Variants in PMEL observed in about 807,000 individuals in gnomAD.
The protein encoded by PMEL is melanocyte protein PMEL.
In PMEL, 53 loss-of-function variants were observed where a neutral mutation model predicts 64.9. The observed-to-expected ratio is 0.82, with a 90% CI of 0.66 to 1.03. The LOEUF is 1.03. PMEL is among the 50% of genes least tolerant of loss of function. The pLI is 0.00. For missense variants in PMEL, 716 were observed against 814.9 expected (o/e 0.88, Z 1.48); for synonymous variants, 299 against 316.2 (o/e 0.95, Z 0.58).
At chr12:55,954,400 G>C in intron 10 of PMEL, 51 bp from the exon 11 acceptor site, 1 of 1,602,516 alleles carries the variant, frequency 6.2e-7, no homozygotes, top group African/African-American at 1.3e-5. Flanking sequence ...AAGGTAGCTT[G>C]TCTGTGCTTC....
intron 3 of PMEL, among the ~76,000 whole-genome samples, chr12:55,960,537 GTTTTTT>G (rs760692409): frequency 3.6e-4 from 35 of 97,296 alleles, no homozygotes; most frequent in African/African-American, 1.5e-3. Flanking sequence ...TTTGCTTTCT[GTTTTTT>G]TTTTTTTTTT....
chr12:55,955,773 ACT>A lies in PMEL; in HGVS notation c.1556+4_1556+5del, dbSNP rs758361020. ...AGAGTTACCAGCACACTAGTGAGAC[ACT>A]CACCCGCCTTGGCAGGACACAGTCA... On this transcript the variant is annotated splice_donor_5th_base_variant and intron_variant, in intron 8 of 10. Transcript: ENST00000548747. The A allele has an allele frequency of 6.2e-7, 1 of 1,612,896 alleles. No individual in the cohort carries two copies.
rs1370711786 is a variant in PMEL at position 55,954,240 on chromosome 12, G to A, written c.1960C>T (p.Pro654Ser). The A allele has an allele frequency of 6.2e-7, 1 of 1,613,640 alleles. No individual in the cohort carries two copies. Among genetic ancestry groups the A allele is most frequent in the Non-Finnish European group, 8.5e-7 (1 of 1,179,688 alleles). ...CAGACCTGCTGCCCACTGAGGAGGG[G>A]GCTGTTCTCACCAATGGGACAAGAG... is the stretch of plus-strand genomic sequence containing the variant. ...FCSCPIGENS[P>S]LLSGQQV The change falls in exon 11 of 11, where the codon CCC (proline) becomes TCC (serine). Residue 654 changes from proline to serine, a missense_variant. Physicochemically the swap from Pro to Ser is moderately conservative, Grantham distance 74. Transcript: ENST00000548747.
intron 1 of PMEL, among the ~76,000 whole-genome samples, chr12:55,962,448 C>CAAAAACAA (rs1889137425): frequency 2.7e-5 from 1 of 37,528 alleles, no homozygotes; most frequent in Non-Finnish European, 5.4e-5. Flanking sequence ...GACTCCATCT[C>CAAAAACAA]AAAAAAAAAA....
Position 55,954,322 on chromosome 12 carries a change from G to A in PMEL, c.1878C>T (p.Ser626=), listed in dbSNP as rs374360529. The change falls in exon 11 of 11, where the codon TCC becomes TCT. Residue 626 remains serine (S), a synonymous_variant. Coordinates refer to ENST00000548747, the MANE Select transcript of PMEL (RefSeq NM_001384361.1). ...TGCTGCTATGTGGCAACTGGGGTAC[G>A]GAGAAGTCTTGCTTCATAAGTCTGC... ...YRRRLMKQDF[S]VPQLPHSSSH... 37 of 1,614,130 alleles carry A rather than the reference G, an allele frequency of 2.3e-5. No individual in the cohort carries two copies. The highest frequency in any genetic ancestry group is 6.7e-5 in the East Asian group (3 of 44,880).
At chr12:55,964,224 G>A (rs1370220475) in intron 1 of PMEL, among the ~76,000 whole-genome samples, 1 of 149,476 alleles carries the variant, frequency 6.7e-6, no homozygotes, top group African/African-American at 2.5e-5. Flanking sequence ...ACAATGGCAC[G>A]ATCTCAGCTT....
At chr12:55,958,316 G>C in intron 4 of PMEL, 157 bp downstream of exon 4, 3 of 816,628 alleles carry the variant, frequency 3.7e-6, no homozygotes, top group Non-Finnish European at 5.7e-6. Context: ...AGAGTTGAAG[G>C]GGGCTAGGTG....
intron 3 of PMEL, among the ~76,000 whole-genome samples, chr12:55,960,612 G>T (rs1290420374): frequency 7.3e-6 from 1 of 137,912 alleles, no homozygotes; most frequent in East Asian, 2.1e-4. Flanking sequence ...GCATGATCTC[G>T]GTTCACTGCA....
Position 55,965,954 on chromosome 12 carries a change from C to G in PMEL, c.58G>C (p.Ala20Pro), listed in dbSNP as rs749419315. The G allele has an allele frequency of 1.1e-5, 18 of 1,614,120 alleles. No individual in the cohort carries two copies. In the South Asian group the frequency reaches 2.0e-4, roughly 18 times the overall value. ...CACATACCTTTTGTAGCCCCCACAGCCAGCAAAGCACCTATCACAGCCAAA... is the reference window on the plus strand; with the variant it reads ...CACATACCTTTTGTAGCCCCCACAGGCAGCAAAGCACCTATCACAGCCAAA... ...LHLAVIGALL[A>P]VGATKVPRNQ... The change falls in exon 1 of 11, where the codon GCT (alanine) becomes CCT (proline). Residue 20 changes from alanine to proline, a missense_variant. Transcript: ENST00000548747.
At chr12:55,964,601 C>G (rs758004912) in intron 1 of PMEL, among the ~76,000 whole-genome samples, 1 of 152,142 alleles carries the variant, frequency 6.6e-6, no homozygotes, top group East Asian at 1.9e-4. Flanking sequence ...CCACTACACC[C>G]GGCCTCCTTA....
chr12:55,965,799 C>G, intron 1 of PMEL, 137 bp downstream of exon 1: 1 of 1,041,138 alleles, frequency 9.6e-7, no homozygotes, highest in East Asian at 2.4e-5. Context: ...AGCCCAGGTG[C>G]CCACATCCTC....
Position 55,957,429 on chromosome 12 carries a change from G to A in PMEL, c.874C>T (p.Leu292=). ...GAGGTGAGAGGAATGGCAGCCTGCAGGACCACCTGGGCAGTGACTGGGCCA... is the reference window on the plus strand; with the variant it reads ...GAGGTGAGAGGAATGGCAGCCTGCAAGACCACCTGGGCAGTGACTGGGCCA... ...EPGPVTAQVV[L]QAAIPLTSCG... The change falls in exon 6 of 11, where the codon CTG becomes TTG. Residue 292 remains leucine (L), a synonymous_variant. Coordinates refer to ENST00000548747, the MANE Select transcript of PMEL (RefSeq NM_001384361.1). The A allele has an allele frequency of 1.9e-6, 3 of 1,610,646 alleles. No homozygotes were observed. The highest frequency in any genetic ancestry group is 2.5e-6 in the Non-Finnish European group (3 of 1,177,662).
upstream of PMEL, chr12:55,966,100 C>T: frequency 6.2e-7 from 1 of 1,601,266 alleles, no homozygotes; most frequent in Non-Finnish European, 8.5e-7. Context: ...ATAGCCCTTC[C>T]TCTTCTCCCT....
rs1419774247 is a variant in PMEL at position 55,957,224 on chromosome 12, C to T, written c.1079G>A (p.Ser360Asn). 1 of 1,614,172 alleles carries T rather than the reference C, an allele frequency of 6.2e-7. No individual in the cohort carries two copies. The highest frequency in any genetic ancestry group is 1.1e-5 in the South Asian group (1 of 91,088). Reference protein sequence around the residue: ...SVQVPTTEVISTAPVQMPTAE... With the variant: ...SVQVPTTEVINTAPVQMPTAE... ...AGTTGGCATCTGCACAGGTGCAGTG[C>T]TTATGACTTCAGTGGTTGGCACCTG... is the stretch of plus-strand genomic sequence containing the variant. The change falls in exon 6 of 11, where the codon AGC becomes AAC. Residue 360 changes from serine (S) to asparagine (N), a missense_variant. Transcript: ENST00000548747.
upstream of PMEL, chr12:55,966,249 C>A: frequency 1.7e-6 from 1 of 600,722 alleles, no homozygotes; most frequent in Middle Eastern, 4.6e-4. Context: ...TCTTGATGCA[C>A]TCCCGGGCAA....
At chr12:55,966,410 C>T (rs1316450059), upstream of PMEL, 2 of 198,242 alleles carry the variant, frequency 1.0e-5, no homozygotes, top group East Asian at 1.3e-4. Context: ...GAGGCAGAGG[C>T]AACGACTCCT....
intron 10 of PMEL, among the ~76,000 whole-genome samples, chr12:55,954,911 AAAAAG>A (rs1356625865): frequency 6.6e-6 from 1 of 152,188 alleles, no homozygotes; most frequent in African/African-American, 2.4e-5. Context: ...TCTCAAAAAA[AAAAAG>A]AAAACTCAGT....
In PMEL at chr12:55,955,620, G is replaced by A. The variant is rs1222888272; in HGVS notation, c.1606C>T (p.Pro536Ser). The A allele has an allele frequency of 2.5e-6, 4 of 1,613,842 alleles. No individual in the cohort carries two copies. The highest frequency in any genetic ancestry group is 3.4e-6 in the Non-Finnish European group (4 of 1,179,958). ...ACAGGCTGGCACAGCCGCTGGGCAG[G>A]GGGCTGGCACCCTGGCGATGAGATC... ...MEISSPGCQP[P>S]AQRLCQPVLP... Residue 536 changes from proline to serine, a missense_variant, in exon 9 of 11, where the codon CCT (proline) becomes TCT (serine). Pro to Ser is a moderately conservative substitution (Grantham distance 74). Transcript: ENST00000548747.
At chr12:55,962,867 T>C (rs990671718) in intron 1 of PMEL, among the ~76,000 whole-genome samples, 1 of 150,784 alleles carries the variant, frequency 6.6e-6, no homozygotes, top group African/African-American at 2.4e-5. Flanking sequence ...TCACATACCA[T>C]AAAATTTACT....
Sources: gnomAD v4.1 joint callset for allele counts (sites outside exome capture counted in the v4.1 genomes callset) on GRCh38, gnomAD v4.1.1 for gene constraint, MANE v1.5 for transcripts, NCBI Gene and HGNC (gene_info 2026-07-23, HGNC 2026-07-21) for gene names.